SNAPC5: variants seen among roughly 807,000 people sequenced by gnomAD.
The protein encoded by SNAPC5 is snRNA-activating protein complex subunit 5.
In SNAPC5, 12 loss-of-function variants were observed where a neutral mutation model predicts 9.1. The observed-to-expected ratio is 1.32, with a 90% CI of 0.85 to 2.15. SNAPC5 has a LOEUF of 2.15. Ranked by LOEUF, SNAPC5 falls within the 30% of genes most tolerant of loss-of-function variation. The probability of loss-of-function intolerance (pLI) is 0.00; values close to 1 mark genes in which losing one functional copy is unlikely to be tolerated. For missense variants in SNAPC5, 132 were observed against 114.4 expected (o/e 1.15, Z -0.70); for synonymous variants, 52 against 47.3 (o/e 1.10, Z -0.41).
At chr15:66,495,448 C>T in intron 1 of SNAPC5, 29 bp from the exon 2 acceptor site, 1 of 1,291,536 alleles carries the variant, frequency 7.7e-7, no homozygotes, top group South Asian at 1.2e-5. Flanking sequence ...GGACACTTTT[C>T]CTTACTATTT....
In SNAPC5 at chr15:66,497,350, T is replaced by C. The variant is rs1000964707; in HGVS notation, c.90+292A>G. On this transcript the variant is annotated intron_variant, in intron 1 of 2. Coordinates refer to ENST00000316634, the MANE Select transcript of SNAPC5 (RefSeq NM_001329615.2). ...TCCTCAGCGTGCTGTCTGAGGGCGATGAACATTTACAGGAAGCAGCAGGTA... is the reference window on the plus strand; with the variant it reads ...TCCTCAGCGTGCTGTCTGAGGGCGACGAACATTTACAGGAAGCAGCAGGTA... 45 of 542,564 alleles carry C rather than the reference T, an allele frequency of 8.3e-5. 1 individual carries two copies. Among genetic ancestry groups the C allele is most frequent in the Middle Eastern group, 8.8e-4 (2 of 2,262 alleles). 33.6% of individuals were successfully genotyped at this position (542,564 alleles called of 1,614,324 possible). A position where few individuals can be genotyped will look rare whatever the true frequency, so the allele number is the denominator to read the frequency against.
chr15:66,489,839 C>G, downstream of SNAPC5: 1 of 1,239,154 alleles, frequency 8.1e-7, no homozygotes, highest in Non-Finnish European at 1.2e-6. Flanking sequence ...CTGTGCAGTA[C>G]TTCCAGAGCC....
At chr15:66,493,248 G>A (rs917359938), downstream of SNAPC5, among the ~76,000 whole-genome samples, 4 of 152,160 alleles carry the variant, frequency 2.6e-5, no homozygotes, top group African/African-American at 7.2e-5. Flanking sequence ...ATAAAATTAA[G>A]CAACTACTTA....
intron 1 of SNAPC5, 54 bp downstream of exon 1, chr15:66,497,588 G>A (rs764874421): frequency 1.3e-5 from 19 of 1,518,826 alleles, no homozygotes; most frequent in South Asian, 2.2e-5. Flanking sequence ...AGGTTGGGGG[G>A]AAATGGTCGC....
Position 66,495,354 on chromosome 15 carries a change from G to A in SNAPC5, c.156C>T (p.His52=). The A allele has an allele frequency of 6.2e-7, 1 of 1,601,190 alleles. No homozygotes were observed. Among genetic ancestry groups the A allele is most frequent in the Non-Finnish European group, 8.6e-7 (1 of 1,168,096 alleles). ...SRRGDEMLSS[H]TVPEQSHDML... is the part of the protein sequence containing the mutation. ...CATCATGTGACTGTTCAGGTACAGT[G>A]TGAGAAGACAGCATCTCATCCCCTC... is the stretch of plus-strand genomic sequence containing the variant. Residue 52 remains histidine, a synonymous_variant, in exon 2 of 3, where the codon CAC becomes CAT. Coordinates refer to ENST00000316634, the MANE Select transcript of SNAPC5 (RefSeq NM_001329615.2).
intron 1 of SNAPC5, among the ~76,000 whole-genome samples, chr15:66,495,883 G>C (rs918370103): frequency 1.3e-5 from 2 of 152,196 alleles, no homozygotes; most frequent in African/African-American, 2.4e-5. Context: ...TACTTGTAAG[G>C]GTACCGTGGC....
chr15:66,496,120 C>T (rs1893425304), intron 1 of SNAPC5, among the ~76,000 whole-genome samples: 1 of 151,694 alleles, frequency 6.6e-6, no homozygotes, highest in South Asian at 2.1e-4. Context: ...GTGTACAATA[C>T]TTTTCCTTTT....
At chr15:66,496,222 TAGGG>T (rs1486042347) in intron 1 of SNAPC5, among the ~76,000 whole-genome samples, 2 of 152,052 alleles carry the variant, frequency 1.3e-5, no homozygotes, top group Admixed American at 6.5e-5. Context: ...TCCCAGCACT[TAGGG>T]AGGAAGAGGC....
Position 66,494,204 on chromosome 15 carries a change from CCCATATTACTCAAT to C in SNAPC5, c.*218_*231del. On this transcript the variant is annotated 3_prime_UTR_variant, in exon 3 of 3. Transcript: ENST00000316634. ...TCTGACCAGATTACAGACAGCACCA[CCCATATTACTCAAT>C]GCTAAGACACAGCATCTTTGATTTT... The C allele has an allele frequency of 1.0e-5, 5 of 497,672 alleles. No individual in the cohort carries two copies. The South Asian group carries it at 1.3e-4, about 13-fold the overall frequency. The allele number at this position is 497,672 out of a possible 1,614,324, so 30.8% of individuals were successfully genotyped here.
downstream of SNAPC5, chr15:66,491,702 G>A (rs1893264559): frequency 6.5e-6 from 2 of 305,844 alleles, no homozygotes; most frequent in Admixed American, 9.2e-5. Flanking sequence ...GGGGCTTCCT[G>A]TAATTTCAAT....
At position 66,493,926 on chromosome 15, in the gene SNAPC5, GC is replaced by G. The variant is rs1893338820; in HGVS notation, c.*509del. On this transcript the variant is annotated 3_prime_UTR_variant, in exon 3 of 3. Transcript: ENST00000316634. ...AGTTTATAGCATGCAATATTTCAAT[GC>G]CTCTGAGAGGTAGAAACAGCTTGTG... The G allele has an allele frequency of 6.5e-6, 1 of 153,046 alleles. No individual in the cohort carries two copies. Among genetic ancestry groups the G allele is most frequent in the Non-Finnish European group, 1.5e-5 (1 of 68,660 alleles). 9.5% of individuals were successfully genotyped at this position (153,046 alleles called of 1,614,324 possible). A position where few individuals can be genotyped will look rare whatever the true frequency, so the allele number is the denominator to read the frequency against.
chr15:66,490,430 ATT>A (rs768028722), downstream of SNAPC5: 17 of 1,134,628 alleles, frequency 1.5e-5, no homozygotes, highest in Non-Finnish European at 2.0e-5. Context: ...AAACTCTTGG[ATT>A]TTCCTTCCTG....
rs1395234959 is a variant in SNAPC5 at position 66,494,282 on chromosome 15, G to C, written c.*154C>G. 9.3e-6 allele frequency: 6 copies of C among 645,358 alleles called. No individual in the cohort carries two copies. The East Asian group carries it at 1.5e-4, about 17-fold the overall frequency. 40.0% of individuals were successfully genotyped at this position (645,358 alleles called of 1,614,324 possible). A position where few individuals can be genotyped will look rare whatever the true frequency, so the allele number is the denominator to read the frequency against. Reference sequence around the variant, plus strand: ...CATTCTGAAGCTTGAGTTACCGATGGAGCCATTTTTGCAACTACACATCCT... The same window carrying C: ...CATTCTGAAGCTTGAGTTACCGATGCAGCCATTTTTGCAACTACACATCCT... On this transcript the variant is annotated 3_prime_UTR_variant, in exon 3 of 3. Coordinates refer to ENST00000316634, the MANE Select transcript of SNAPC5 (RefSeq NM_001329615.2).
downstream of SNAPC5, chr15:66,491,961 C>A (rs1177349807): frequency 4.4e-6 from 2 of 456,628 alleles, no homozygotes; most frequent in South Asian, 3.1e-5. Context: ...TTTAGGCTGT[C>A]ATGCTCATAG....
chr15:66,492,936 CAT>C (rs1893304411), downstream of SNAPC5, among the ~76,000 whole-genome samples: 2 of 152,224 alleles, frequency 1.3e-5, no homozygotes, highest in Admixed American at 1.3e-4. Context: ...AGCTGGAATT[CAT>C]AGTCAAGTTT....
At chr15:66,492,883 G>T (rs1893302505), downstream of SNAPC5, among the ~76,000 whole-genome samples, 1 of 152,158 alleles carries the variant, frequency 6.6e-6, no homozygotes, top group African/African-American at 2.4e-5. Flanking sequence ...ATGGGAACGT[G>T]AGTTGCAAAG....
chr15:66,494,642 A>T (rs1893368345), intron 2 of SNAPC5, 90 bp from the exon 3 acceptor site: 6 of 881,428 alleles, frequency 6.8e-6, no homozygotes, highest in Non-Finnish European at 9.3e-6. Context: ...TCAGATCTCA[A>T]TTGCATATCT....
At position 66,494,337 on chromosome 15, in the gene SNAPC5, G is replaced by A. The variant is rs1373996866; in HGVS notation, c.*99C>T. Reference sequence around the variant, plus strand: ...ATAGTTCTTGCTTTCCTTTCAAGCAGATCACAGGGCCCAGGGCAAGATGAT... The same window carrying A: ...ATAGTTCTTGCTTTCCTTTCAAGCAAATCACAGGGCCCAGGGCAAGATGAT... On this transcript the variant is annotated 3_prime_UTR_variant, in exon 3 of 3. Transcript: ENST00000316634. 9 of 811,880 alleles carry A rather than the reference G, an allele frequency of 1.1e-5. No individual in the cohort carries two copies. The highest frequency in any genetic ancestry group is 1.8e-5 in the Non-Finnish European group (9 of 493,884). 50.3% of individuals were successfully genotyped at this position (811,880 alleles called of 1,614,324 possible).
chr15:66,492,568 CACT>C (rs952639282), downstream of SNAPC5, among the ~76,000 whole-genome samples: 6 of 152,262 alleles, frequency 3.9e-5, no homozygotes, highest in African/African-American at 1.2e-4. Flanking sequence ...AGGATACCAC[CACT>C]ACTGAGAATG....
Sources: allele counts gnomAD v4.1 joint callset (sites outside exome capture counted in the v4.1 genomes callset), GRCh38; gene constraint gnomAD v4.1.1; transcripts MANE v1.5; gene names NCBI Gene and HGNC (gene_info 2026-07-23, HGNC 2026-07-21).